The following RELL1 variants were observed in gnomAD, a reference collection of about 807,000 sequenced individuals.
RELL1 encodes RELT like 1.
Under a neutral mutation model 23.0 loss-of-function variants are expected in RELL1, and 10 were observed. The observed-to-expected ratio is 0.43, with a 90% CI of 0.27 to 0.74. The LOEUF is 0.74. RELL1 is among the 30% of genes least tolerant of loss of function. RELL1 has a pLI of 0.19. For synonymous variants in RELL1, 146 were observed against 146.8 expected, an observed-to-expected ratio of 0.99 and a Z score of 0.04; for missense variants, 315 against 364.4, an observed-to-expected ratio of 0.86 and a Z score of 1.10.
At chr4:37,632,352 G>A (rs1577576873) in intron 5 of RELL1, among the ~76,000 whole-genome samples, 1 of 151,762 alleles carries the variant, frequency 6.6e-6, no homozygotes. Flanking sequence ...TGTATTTTTA[G>A]TAGAGATGGA....
At chr4:37,586,884 T>C, downstream of RELL1, among the ~76,000 whole-genome samples, 1 of 152,210 alleles carries the variant, frequency 6.6e-6, no homozygotes, top group East Asian at 1.9e-4. Context: ...CACTCCAGCC[T>C]GGGCAACAGA....
chr4:37,644,727 T>C (rs1011991999), intron 3 of RELL1, among the ~76,000 whole-genome samples: 1 of 152,090 alleles, frequency 6.6e-6, no homozygotes, highest in Non-Finnish European at 1.5e-5. Context: ...CCCAAAGTGC[T>C]GGGATTACAG....
chr4:37,622,698 T>A, intron 6 of RELL1: 1 of 417,852 alleles, frequency 2.4e-6, no homozygotes, highest in Admixed American at 2.8e-5. Flanking sequence ...AGCACTAGGA[T>A]AGAAGCTCTG....
At position 37,668,483 on chromosome 4, in the gene RELL1, GC is replaced by G. The variant is rs1327084149; in HGVS notation, c.88+17716del. On this transcript the variant is annotated intron_variant, in intron 1 of 6. Transcript: ENST00000454158. Reference sequence around the variant, plus strand: ...TCCGCCAGCCTCGGCCTCCCGAGGTGCCGGGATTGCAGACGGAGTCTCCTTC... The same window carrying G: ...TCCGCCAGCCTCGGCCTCCCGAGGTGCGGGATTGCAGACGGAGTCTCCTTC... Among the ~76,000 whole-genome samples, 7 of 152,162 alleles carry G rather than the reference GC, an allele frequency of 4.6e-5. No individual in the cohort carries two copies. The East Asian group carries it at 1.2e-3, about 25-fold the overall frequency.
At chr4:37,609,426 G>A (rs1248926329), downstream of RELL1, among the ~76,000 whole-genome samples, 9 of 152,298 alleles carry the variant, frequency 5.9e-5, no homozygotes, top group East Asian at 1.7e-3. Flanking sequence ...TGTACAAAGG[G>A]AGAAATGCTT....
chr4:37,604,824 C>CACACACACACAG (rs1560323681), intron 6 of RELL1, among the ~76,000 whole-genome samples: 1 of 98,844 alleles, frequency 1.0e-5, no homozygotes, highest in Non-Finnish European at 2.1e-5. Flanking sequence ...CACACACAGA[C>CACACACACACAG]ACACACATAC....
At chr4:37,613,428 A>G (rs1719474923) in intron 6 of RELL1, 86 bp from the exon 7 acceptor site, 1 of 152,194 alleles carries the variant, frequency 6.6e-6, no homozygotes, top group African/African-American at 2.4e-5. Context: ...TTAAAAACAC[A>G]GAAGAATTAT....
downstream of RELL1, chr4:37,588,904 A>T: frequency 6.2e-7 from 1 of 1,610,720 alleles, no homozygotes; most frequent in Non-Finnish European, 8.5e-7. Context: ...ACAAAGGTAA[A>T]GCTGGAGAAA....
chr4:37,644,943 G>A (rs1271554930), intron 3 of RELL1, among the ~76,000 whole-genome samples: 2 of 152,038 alleles, frequency 1.3e-5, no homozygotes, highest in Admixed American at 6.5e-5. Flanking sequence ...TCCAATCCCA[G>A]CTCCGCCACT....
At chr4:37,650,115 T>C (rs1406054986) in intron 1 of RELL1, among the ~76,000 whole-genome samples, 2 of 152,184 alleles carry the variant, frequency 1.3e-5, no homozygotes, top group South Asian at 2.1e-4. Context: ...GCAAGCAACA[T>C]AGCAAATATT....
At chr4:37,659,150 C>G (rs1271399192) in intron 1 of RELL1, among the ~76,000 whole-genome samples, 1 of 152,156 alleles carries the variant, frequency 6.6e-6, no homozygotes, top group Admixed American at 6.5e-5. Context: ...TCCACAGCAC[C>G]ACAAATAAAA....
chr4:37,640,514 TCA>T (rs1396308094), intron 3 of RELL1, among the ~76,000 whole-genome samples: 1 of 152,208 alleles, frequency 6.6e-6, no homozygotes, highest in African/African-American at 2.4e-5. Flanking sequence ...ACAGTAGTCC[TCA>T]GTATCCATGC....
intron 1 of RELL1, among the ~76,000 whole-genome samples, chr4:37,681,569 C>T (rs1475010996): frequency 6.8e-6 from 1 of 147,856 alleles, no homozygotes; most frequent in East Asian, 2.0e-4. Flanking sequence ...TGCTCTGTCA[C>T]CCAGGCTGGA....
intron 3 of RELL1, among the ~76,000 whole-genome samples, chr4:37,643,562 T>C (rs567567875): frequency 1.3e-5 from 2 of 152,318 alleles, no homozygotes; most frequent in East Asian, 1.9e-4. Flanking sequence ...TTTATTCCTT[T>C]TTTAACGTAA....
At chr4:37,680,246 C>T (rs751259826) in intron 1 of RELL1, among the ~76,000 whole-genome samples, 6 of 152,120 alleles carry the variant, frequency 3.9e-5, no homozygotes, top group Non-Finnish European at 7.4e-5. Context: ...TTGGCTATTG[C>T]TGTGAGAATG....
At chr4:37,652,429 C>A (rs1175209033) in intron 1 of RELL1, among the ~76,000 whole-genome samples, 3 of 152,122 alleles carry the variant, frequency 2.0e-5, no homozygotes, top group African/African-American at 7.2e-5. Context: ...CAGGAAAAAC[C>A]AGAAACATTT....
intron 1 of RELL1, among the ~76,000 whole-genome samples, chr4:37,662,954 G>A (rs1721406075): frequency 6.6e-6 from 1 of 152,166 alleles, no homozygotes; most frequent in Admixed American, 6.5e-5. Flanking sequence ...CCCCAGACTG[G>A]AGCAAGGTCA....
intron 5 of RELL1, among the ~76,000 whole-genome samples, chr4:37,632,314 G>T (rs776085901): frequency 6.6e-5 from 10 of 150,914 alleles, no homozygotes; most frequent in Non-Finnish European, 1.0e-4. Context: ...TGGGATTACA[G>T]CCATGTGCCA....
intron 3 of RELL1, among the ~76,000 whole-genome samples, chr4:37,646,003 G>A (rs926580487): frequency 1.2e-4 from 18 of 152,214 alleles, no homozygotes; most frequent in Non-Finnish European, 5.9e-5. Context: ...ATTTACTGAT[G>A]AGTGTGGTGT....
Sources: gnomAD v4.1 joint callset for allele counts (sites outside exome capture counted in the v4.1 genomes callset) on GRCh38, gnomAD v4.1.1 for gene constraint, MANE v1.5 for transcripts, NCBI Gene and HGNC (gene_info 2026-07-23, HGNC 2026-07-21) for gene names.